The following LHX3 variants were observed in gnomAD, a reference collection of about 807,000 sequenced individuals.
LHX3 encodes the protein LIM/homeobox protein Lhx3.
In LHX3, 21 loss-of-function variants were observed where a neutral mutation model predicts 32.4. The observed-to-expected ratio is 0.65, with a 90% confidence interval of 0.46 to 0.93. LHX3 has a LOEUF of 0.93. LHX3 is among the 40% of genes least tolerant of loss of function. The pLI, the probability that LHX3 is intolerant of heterozygous loss-of-function variation, is 0.00. For synonymous variants in LHX3, 258 were observed against 246.8 expected (o/e 1.05, Z -0.43); for missense variants, 626 against 560.0 (o/e 1.12, Z -1.19).
chr9:136,196,362 C>A lies in LHX3; in HGVS notation c.*963G>T, dbSNP rs538135678. On this transcript the variant is annotated 3_prime_UTR_variant, in exon 6 of 6. Transcript: ENST00000371748. ...ATAGGTAGCTCGAGATTCAGGTTTGCGGGAGTGACTTTGACTTACACACAG... is the reference window on the plus strand; with the variant it reads ...ATAGGTAGCTCGAGATTCAGGTTTGAGGGAGTGACTTTGACTTACACACAG... 1 of 152,556 alleles carries A rather than the reference C, an allele frequency of 6.6e-6. No homozygotes were observed. Among genetic ancestry groups the A allele is most frequent in the South Asian group, 2.1e-4 (1 of 4,832 alleles). 9.5% of individuals were successfully genotyped at this position (152,556 alleles called of 1,614,324 possible). A position where few individuals can be genotyped will look rare whatever the true frequency, so the allele number is the denominator to read the frequency against.
chr9:136,200,365 A>T, intron 2 of LHX3: 2 of 603,954 alleles, frequency 3.3e-6, no homozygotes, highest in South Asian at 3.9e-5. Flanking sequence ...ATACTTGCTG[A>T]TGTCCCAGCC....
Position 136,196,956 on chromosome 9 carries a change from T to G in LHX3, c.*369A>C, listed in dbSNP as rs1831504711. 1 of 325,738 alleles carries G rather than the reference T, an allele frequency of 3.1e-6. No individual in the cohort carries two copies. The highest frequency in any genetic ancestry group is 6.8e-5 in the East Asian group (1 of 14,750). The allele number at this position is 325,738 out of a possible 1,614,324, so 20.2% of individuals were successfully genotyped here. A position where few individuals can be genotyped will look rare whatever the true frequency, so the allele number is the denominator to read the frequency against. ...CACAATTATGATGATTTCTCAGTTT[T>G]AGAGATGAAAGCGTTTTTCCAGCCC... On this transcript the variant is annotated 3_prime_UTR_variant, in exon 6 of 6. Coordinates refer to ENST00000371748, the MANE Select transcript of LHX3 (RefSeq NM_178138.6).
At chr9:136,198,362 G>A (rs918811058) in intron 5 of LHX3, among the ~76,000 whole-genome samples, 1 of 152,202 alleles carries the variant, frequency 6.6e-6, no homozygotes, top group Non-Finnish European at 1.5e-5. Flanking sequence ...CAGAGAGACG[G>A]CCTGGACACG....
intron 1 of LHX3, among the ~76,000 whole-genome samples, chr9:136,204,495 G>T (rs2131041565): frequency 6.6e-6 from 1 of 152,302 alleles, no homozygotes; most frequent in Admixed American, 6.5e-5. Flanking sequence ...CTCCAACAAT[G>T]CCTCCATTAT....
At chr9:136,203,085 C>G (rs1318024266) in intron 1 of LHX3, 1 of 1,486,550 alleles carries the variant, frequency 6.7e-7, no homozygotes. Context: ...CGAACTTTCC[C>G]GGGCCCAGCG....
At chr9:136,202,977 T>C in intron 1 of LHX3, 1 of 1,529,396 alleles carries the variant, frequency 6.5e-7, no homozygotes. Context: ...GCGCCAGCAG[T>C]GCTAGCAGCA....
intron 1 of LHX3, among the ~76,000 whole-genome samples, chr9:136,204,195 A>G (rs1245093890): frequency 6.6e-6 from 1 of 152,262 alleles, no homozygotes; most frequent in Non-Finnish European, 1.5e-5. Context: ...GGATGGGCAC[A>G]AGAAACCACA....
chr9:136,203,173 T>G, intron 1 of LHX3: 2 of 1,236,256 alleles, frequency 1.6e-6, no homozygotes, highest in Non-Finnish European at 1.0e-6. Context: ...CGGGCCGCCC[T>G]GGGGCCCGGA....
rs1433166203 is a variant in LHX3 at position 136,196,471 on chromosome 9, C to A, written c.*854G>T. The A allele has an allele frequency of 6.6e-6, 1 of 152,638 alleles. No homozygotes were observed. Among genetic ancestry groups the A allele is most frequent in the Admixed American group, 6.5e-5 (1 of 15,288 alleles). The allele number at this position is 152,638 out of a possible 1,614,324, so 9.5% of individuals were successfully genotyped here. ...AAAGGATCTGATGGAGGAGGCAGGGCAGGCTCAGAGGAGCCCCACCCTTCT... is the reference window on the plus strand; with the variant it reads ...AAAGGATCTGATGGAGGAGGCAGGGAAGGCTCAGAGGAGCCCCACCCTTCT... On this transcript the variant is annotated 3_prime_UTR_variant, in exon 6 of 6. Transcript: ENST00000371748.
At chr9:136,204,244 G>A (rs1241709482) in intron 1 of LHX3, among the ~76,000 whole-genome samples, 2 of 152,202 alleles carry the variant, frequency 1.3e-5, no homozygotes, top group African/African-American at 2.4e-5. Context: ...CGATGTGTCC[G>A]TTTTGAGCAG....
chr9:136,199,200 C>A, intron 3 of LHX3, 141 bp from the exon 4 acceptor site: 1 of 452,530 alleles, frequency 2.2e-6, no homozygotes, highest in Non-Finnish European at 3.5e-6. Flanking sequence ...TCGGAAGGCG[C>A]GGGCGCTGGG....
At chr9:136,201,060 G>A in intron 1 of LHX3, 1 of 1,225,208 alleles carries the variant, frequency 8.2e-7, no homozygotes, top group Non-Finnish European at 1.1e-6. Flanking sequence ...AATGTTGCCA[G>A]TGCCAAGAAG....
rs1395367476 is a variant in LHX3, at chr9:136,196,512, C to G, written c.*813G>C. 1 of 152,730 alleles carries G rather than the reference C, an allele frequency of 6.5e-6. No homozygotes were observed. The allele number at this position is 152,730 out of a possible 1,614,324, so 9.5% of individuals were successfully genotyped here. On this transcript the variant is annotated 3_prime_UTR_variant, in exon 6 of 6. Coordinates refer to ENST00000371748, the MANE Select transcript of LHX3 (RefSeq NM_178138.6). ...CCACCCTTCTCCAGCGGGGAGACTT[C>G]CCAATCTGGGGCTGGCAGAGCCGGC...
At chr9:136,201,363 G>T (rs1381948374) in intron 1 of LHX3, 1 of 1,241,522 alleles carries the variant, frequency 8.1e-7, no homozygotes, top group East Asian at 3.1e-5. Context: ...CACTGCCTTT[G>T]TGTCAGGCGT....
At chr9:136,203,034 C>G (rs761749994) in intron 1 of LHX3, 1 of 1,519,106 alleles carries the variant, frequency 6.6e-7, no homozygotes, top group East Asian at 2.6e-5. Context: ...CCCCGCGCGC[C>G]TCCATGGGTC....
intron 2 of LHX3, 35 bp from the exon 3 acceptor site, chr9:136,199,915 G>T (rs1233327708): frequency 6.5e-7 from 1 of 1,549,926 alleles, no homozygotes. Context: ...CAGCGCGGAA[G>T]CGCGAGGCTC....
At chr9:136,200,928 C>T (rs1564284401) in intron 1 of LHX3, among the ~76,000 whole-genome samples, 175 bp from the exon 2 acceptor site, 2 of 152,212 alleles carry the variant, frequency 1.3e-5, no homozygotes, top group Non-Finnish European at 2.9e-5. Context: ...CCGCAAGTTC[C>T]GGGAGTGTGC....
Position 136,197,661 on chromosome 9 carries a change from G to T in LHX3, c.858C>A (p.Pro286=). The change falls in exon 6 of 6, where the codon CCC becomes CCA. Residue 286 remains proline, a synonymous_variant. Transcript: ENST00000371748. ...LGEPTQALGR[P]SGALGNFSLE... Reference sequence around the variant, plus strand: ...GGGAGAAGTTGCCCAGGGCTCCCGAGGGCCGGCCCAAGGCCTGGGTGGGTT... The same window carrying T: ...GGGAGAAGTTGCCCAGGGCTCCCGATGGCCGGCCCAAGGCCTGGGTGGGTT... 1 of 1,601,954 alleles carries T rather than the reference G, an allele frequency of 6.2e-7. No individual in the cohort carries two copies.
intron 2 of LHX3, chr9:136,200,164 G>T (rs1588626361): frequency 1.7e-6 from 1 of 579,734 alleles, no homozygotes; most frequent in Non-Finnish European, 3.1e-6. Context: ...CCCATCTGGG[G>T]CCAGTCCCTC....
Sources: allele counts gnomAD v4.1 joint callset (sites outside exome capture counted in the v4.1 genomes callset), GRCh38; gene constraint gnomAD v4.1.1; transcripts MANE v1.5; gene names NCBI Gene and HGNC (gene_info 2026-07-23, HGNC 2026-07-21).